The following BMI1 variants were observed in gnomAD, a reference collection of about 807,000 sequenced individuals.
The protein encoded by BMI1 is BMI1 proto-oncogene, polycomb ring finger.
In BMI1, 9 loss-of-function variants were observed where a neutral mutation model predicts 39.1. The observed-to-expected ratio is 0.23, with a 90% CI of 0.14 to 0.40. BMI1 has a LOEUF of 0.40. BMI1 is among the 10% of genes least tolerant of loss of function. BMI1 has a pLI of 1.00. For synonymous variants in BMI1, 131 were observed against 127.9 expected, an observed-to-expected ratio of 1.02 and a Z score of -0.16; for missense variants, 252 against 390.8, an observed-to-expected ratio of 0.64 and a Z score of 2.99.
chr10:22,325,117 T>A (rs1246973255), intron 1 of BMI1, among the ~76,000 whole-genome samples: 1 of 152,224 alleles, frequency 6.6e-6, no homozygotes, highest in Non-Finnish European at 1.5e-5. Context: ...GGCTTTGCCC[T>A]CTCCTCTTCT....
At chr10:22,322,107 C>G (rs1036396587) in intron 1 of BMI1, 2 of 151,978 alleles carry the variant, frequency 1.3e-5, no homozygotes, top group Non-Finnish European at 2.9e-5. Flanking sequence ...ACATGGCCCC[C>G]GAGAGGAGTA....
At chr10:22,328,786 CAATAGA>C (rs964353451) in intron 8 of BMI1, 88 bp downstream of exon 8, 1 of 1,354,940 alleles carries the variant, frequency 7.4e-7, no homozygotes, top group African/African-American at 1.5e-5. Context: ...CCCAAAAAAG[CAATAGA>C]AAAAAAATGT....
In BMI1 at chr10:22,327,535, A is replaced by G. The variant is rs1197543522; in HGVS notation, c.210-60A>G. 7.4e-6 allele frequency: 11 copies of G among 1,477,430 alleles called. No individual in the cohort carries two copies. In the East Asian group the frequency reaches 1.8e-4, roughly 24 times the overall value. The allele number at this position is 1,477,430 out of a possible 1,614,324, so 91.5% of individuals were successfully genotyped here. ...GCACAAAAGAAGACTATAGAAACTT[A>G]TGAACATTTTTAGTTCTTGCCATCT... On this transcript the variant is annotated intron_variant, in intron 3 of 9. Transcript: ENST00000376663.
At chr10:22,328,302 T>A (rs1836204968) in intron 7 of BMI1, 123 bp downstream of exon 7, 3 of 1,122,288 alleles carry the variant, frequency 2.7e-6, no homozygotes, top group Non-Finnish European at 3.7e-6. Context: ...ATGTTTAATG[T>A]TTAAGAAAGG....
intron 1 of BMI1, chr10:22,326,205 A>G (rs950637928): frequency 1.4e-5 from 7 of 499,192 alleles, no homozygotes; most frequent in East Asian, 4.0e-5. Flanking sequence ...TTCTACCTAC[A>G]GGAATGATCT....
intron 2 of BMI1, 41 bp from the exon 3 acceptor site, chr10:22,326,849 C>A: frequency 6.2e-7 from 1 of 1,603,918 alleles, no homozygotes; most frequent in South Asian, 1.1e-5. Context: ...TTTATCCACT[C>A]ATTTCTAAAC....
At chr10:22,322,473 G>A (rs1836031184) in intron 1 of BMI1, among the ~76,000 whole-genome samples, 1 of 152,216 alleles carries the variant, frequency 6.6e-6, no homozygotes, top group Non-Finnish European at 1.5e-5. Flanking sequence ...TTAAAATGCT[G>A]AAGTTTTCAA....
intron 2 of BMI1, 157 bp downstream of exon 2, chr10:22,326,718 T>C: frequency 7.7e-7 from 1 of 1,300,940 alleles, no homozygotes; most frequent in South Asian, 1.5e-5. Context: ...TTTGTTAATA[T>C]GTATTGATTG....
In BMI1 at chr10:22,326,442, A is replaced by G. The variant is rs371061751; in HGVS notation, c.-8A>G. ...TCTGTGTCTTGCAGGATTTTTTATCAAGCAGAAATGCATCGAACAACGAGA... is the reference window on the plus strand; with the variant it reads ...TCTGTGTCTTGCAGGATTTTTTATCGAGCAGAAATGCATCGAACAACGAGA... On this transcript the variant is annotated 5_prime_UTR_variant, in exon 2 of 10. Transcript: ENST00000376663. 6.2e-7 allele frequency: 1 copy of G among 1,612,730 alleles called. No homozygotes were observed. Among genetic ancestry groups the G allele is most frequent in the South Asian group, 1.1e-5 (1 of 91,074 alleles).
At chr10:22,328,768 A>C (rs1836219265) in intron 8 of BMI1, 70 bp downstream of exon 8, 2 of 1,457,278 alleles carry the variant, frequency 1.4e-6, no homozygotes, top group East Asian at 2.4e-5. Context: ...TTCACTTTGG[A>C]TTTTGAACCC....
rs534435978 is a variant in BMI1 at position 22,328,540 on chromosome 10, T to G, written c.472-60T>G. On this transcript the variant is annotated intron_variant, in intron 7 of 9. Transcript: ENST00000376663. ...ATCTTTTATATTCAAGCAATCAAAT[T>G]GAAACTTTCTTCATATCTTAAAGTA... 341 of 1,525,454 alleles carry G rather than the reference T, an allele frequency of 2.2e-4. 2 individuals are homozygous for G. The South Asian group carries it at 2.5e-3, about 11-fold the overall frequency. The allele number at this position is 1,525,454 out of a possible 1,614,324, so 94.5% of individuals were successfully genotyped here. A position where few individuals can be genotyped will look rare whatever the true frequency, so the allele number is the denominator to read the frequency against.
At chr10:22,327,271 G>A (rs528134536) in intron 3 of BMI1, among the ~76,000 whole-genome samples, 1 of 152,112 alleles carries the variant, frequency 6.6e-6, no homozygotes, top group South Asian at 2.1e-4. Context: ...CTTCATGACA[G>A]GCAGGAATAA....
Position 22,329,498 on chromosome 10 carries a change from C to A in BMI1, c.937C>A (p.Arg313=). ...CCAATCTTCTTTTGCCAATAGACCT[C>A]GAAAATCATCAGTAAATGGGTCATC... is the stretch of plus-strand genomic sequence containing the variant. ...NHQSSFANRP[R]KSSVNGSSAT... Residue 313 remains arginine (R), a synonymous_variant, in exon 10 of 10, where the codon CGA becomes AGA. Transcript: ENST00000376663. The A allele has an allele frequency of 3.1e-6, 5 of 1,614,076 alleles. No homozygotes were observed. The highest frequency in any genetic ancestry group is 4.2e-6 in the Non-Finnish European group (5 of 1,180,000).
chr10:22,331,639 C>T (rs1836284822), downstream of BMI1, among the ~76,000 whole-genome samples: 2 of 152,026 alleles, frequency 1.3e-5, no homozygotes, highest in South Asian at 2.1e-4. Context: ...ACTTTAAATG[C>T]TAGTGGACTG....
At position 22,331,337 on chromosome 10, in the gene BMI1, A is replaced by G. The variant is rs1366726124; in HGVS notation, c.*1795A>G. 1 of 152,214 alleles carries G rather than the reference A, an allele frequency of 6.6e-6. No homozygotes were observed. The highest frequency in any genetic ancestry group is 1.5e-5 in the Non-Finnish European group (1 of 67,978). The allele number at this position is 152,214 out of a possible 1,614,324, so 9.4% of individuals were successfully genotyped here. A position where few individuals can be genotyped will look rare whatever the true frequency, so the allele number is the denominator to read the frequency against. ...TATGGAAAACCTATAGAGGATTACAACAGGTAAACGTTAAAGAGAATACAT... is the reference window on the plus strand; with the variant it reads ...TATGGAAAACCTATAGAGGATTACAGCAGGTAAACGTTAAAGAGAATACAT... On this transcript the variant is annotated 3_prime_UTR_variant, in exon 10 of 10. Coordinates refer to ENST00000376663, the MANE Select transcript of BMI1 (RefSeq NM_005180.9).
At chr10:22,328,491 C>A (rs568870608) in intron 7 of BMI1, 109 bp from the exon 8 acceptor site, 1 of 1,123,480 alleles carries the variant, frequency 8.9e-7, no homozygotes, top group East Asian at 2.6e-5. Flanking sequence ...AGGTTGGTCA[C>A]CTCCAATTTT....
chr10:22,326,305 C>T, intron 1 of BMI1, 126 bp from the exon 2 acceptor site: 2 of 1,322,064 alleles, frequency 1.5e-6, no homozygotes, highest in Admixed American at 2.4e-5. Context: ...TCTGTAGAAA[C>T]GTTAGGACAG....
intron 2 of BMI1, 76 bp downstream of exon 2, chr10:22,326,637 G>T: frequency 1.3e-6 from 2 of 1,565,192 alleles, no homozygotes; most frequent in South Asian, 2.4e-5. Flanking sequence ...AACTGTTAAT[G>T]ATTCCTGCAA....
In BMI1 at chr10:22,327,122, A is replaced by G. The variant is rs28364739; in HGVS notation, c.209+136A>G. 2.4e-4 allele frequency: 238 copies of G among 1,008,074 alleles called. No homozygotes were observed. The East Asian group carries it at 5.8e-3, about 24-fold the overall frequency. 62.4% of individuals were successfully genotyped at this position (1,008,074 alleles called of 1,614,324 possible). A position where few individuals can be genotyped will look rare whatever the true frequency, so the allele number is the denominator to read the frequency against. On this transcript the variant is annotated intron_variant, in intron 3 of 9. Transcript: ENST00000376663. ...AATATGTGTGTGCTTTGTGGAGGGTAGCCGTTTAATTTCTTGCCATATTAA... is the reference window on the plus strand; with the variant it reads ...AATATGTGTGTGCTTTGTGGAGGGTGGCCGTTTAATTTCTTGCCATATTAA...
Sources: allele counts gnomAD v4.1 joint callset (sites outside exome capture counted in the v4.1 genomes callset), GRCh38; gene constraint gnomAD v4.1.1; transcripts MANE v1.5; gene names NCBI Gene and HGNC (gene_info 2026-07-23, HGNC 2026-07-21).